LAMA1: variants seen among roughly 807,000 people sequenced by gnomAD.
LAMA1 encodes laminin subunit alpha 1, also known as laminin subunit alpha-1.
In LAMA1, 219 loss-of-function variants were observed where a neutral mutation model predicts 348.7. The ratio of observed to expected loss-of-function variants is 0.63; its 90% CI spans 0.56 to 0.70. The LOEUF is 0.70. LAMA1 is among the 30% of genes least tolerant of loss of function. LAMA1 has a pLI of 0.00. For synonymous variants in LAMA1, 1,487 were observed against 1,491.0 expected, an observed-to-expected ratio of 1.00 and a Z score of 0.06; for missense variants, 3,744 against 3,888.0, an observed-to-expected ratio of 0.96 and a Z score of 0.99.
chr18:7,078,410 C>T (rs900143850), intron 3 of LAMA1, among the ~76,000 whole-genome samples: 2 of 151,826 alleles, frequency 1.3e-5, no homozygotes, highest in African/African-American at 2.4e-5. Flanking sequence ...TCGTGATCCA[C>T]CCGCCTTGGC....
At chr18:6,975,382 A>T (rs2057677343) in intron 45 of LAMA1, among the ~76,000 whole-genome samples, 2 of 152,190 alleles carry the variant, frequency 1.3e-5, no homozygotes, top group South Asian at 4.1e-4. Context: ...TCTCCGAGGT[A>T]AGAAATGGAT....
chr18:6,969,723 G>A (rs2057649627), intron 48 of LAMA1, among the ~76,000 whole-genome samples: 1 of 152,164 alleles, frequency 6.6e-6, no homozygotes, highest in Non-Finnish European at 1.5e-5. Context: ...CCAGTCTCGA[G>A]TTGGCAGGAG....
At chr18:7,055,234 C>T (rs537887936) in intron 3 of LAMA1, among the ~76,000 whole-genome samples, 2 of 151,374 alleles carry the variant, frequency 1.3e-5, no homozygotes, top group South Asian at 2.1e-4. Flanking sequence ...GCAGATCACT[C>T]GAGGTCAGGA....
At chr18:7,011,557 T>C (rs2057860886) in intron 24 of LAMA1, 78 bp from the exon 25 acceptor site, 3 of 1,332,406 alleles carry the variant, frequency 2.3e-6, no homozygotes, top group Non-Finnish European at 3.2e-6. Flanking sequence ...GATTCCATCA[T>C]TGTTTCACAG....
Position 7,108,640 on chromosome 18 carries a change from CAAAAAAAAAAAAAA to C in LAMA1, c.61+9006_61+9019del, listed in dbSNP as rs58802341. Among the ~76,000 whole-genome samples, 10 of 40,238 alleles carry C rather than the reference CAAAAAAAAAAAAAA, an allele frequency of 2.5e-4. 1 individual carries two copies. In the South Asian group the frequency reaches 8.4e-3, roughly 34 times the overall value. The allele number at this position is 40,238 out of a possible 152,430, so 26.4% of individuals were successfully genotyped here. A position where few individuals can be genotyped will look rare whatever the true frequency, so the allele number is the denominator to read the frequency against. On this transcript the variant is annotated intron_variant, in intron 1 of 62. Transcript: ENST00000389658. Reference sequence around the variant, plus strand: ...CACTGCACTGAGACAGACTCTGTCTCAAAAAAAAAAAAAAAAAAAAAAAAAAAGCTAACTCCCTT... The same window carrying C: ...CACTGCACTGAGACAGACTCTGTCTCAAAAAAAAAAAAAGCTAACTCCCTT...
At chr18:6,949,338 C>A in intron 58 of LAMA1, 79 bp from the exon 59 acceptor site, 1 of 1,319,990 alleles carries the variant, frequency 7.6e-7, no homozygotes, top group Non-Finnish European at 1.1e-6. Flanking sequence ...TTAACAGATG[C>A]AACATCTGTT....
intron 42 of LAMA1, among the ~76,000 whole-genome samples, chr18:6,978,648 C>T (rs1325413528): frequency 2.0e-5 from 3 of 152,142 alleles, no homozygotes; most frequent in Non-Finnish European, 4.4e-5. Context: ...TTTGTTAATA[C>T]TTCTCTGGAA....
At chr18:7,068,505 T>G (rs1202035162) in intron 3 of LAMA1, among the ~76,000 whole-genome samples, 1 of 152,242 alleles carries the variant, frequency 6.6e-6, no homozygotes, top group Non-Finnish European at 1.5e-5. Flanking sequence ...TATGATGCAA[T>G]GGAGCAAAAG....
At chr18:6,978,812 T>A (rs1379721527) in intron 42 of LAMA1, among the ~76,000 whole-genome samples, 2 of 152,166 alleles carry the variant, frequency 1.3e-5, no homozygotes, top group African/African-American at 4.8e-5. Context: ...TCCTTTCATG[T>A]CTGGATAATA....
chr18:7,106,605 G>A lies in LAMA1; in HGVS notation c.61+11055C>T, dbSNP rs940820687. Among the ~76,000 whole-genome samples, 17 of 152,104 alleles carry A rather than the reference G, an allele frequency of 1.1e-4. No individual in the cohort carries two copies. The East Asian group carries it at 2.3e-3, about 21-fold the overall frequency. ...GAGCTCTTGACCTCGTGATCCACCC[G>A]CCTTGGCCCCTCCCAAAGTGCTGGG... On this transcript the variant is annotated intron_variant, in intron 1 of 62. Coordinates refer to ENST00000389658, the MANE Select transcript of LAMA1 (RefSeq NM_005559.4).
chr18:6,974,935 A>G lies in LAMA1; in HGVS notation c.6591T>C (p.Asp2197=). The G allele has an allele frequency of 6.2e-7, 1 of 1,614,122 alleles. No homozygotes were observed. The highest frequency in any genetic ancestry group is 8.5e-7 in the Non-Finnish European group (1 of 1,180,036). The change falls in exon 46 of 63, where the codon GAT becomes GAC. Residue 2197 remains aspartate, a synonymous_variant. Transcript: ENST00000389658. ...TRLEFPDFPI[D]DNRWHSIHVA... is the part of the protein sequence containing the mutation. ...CATGGATACTGTGCCATCTGTTGTC[A>G]TCAATGGGAAAGTCTGGAAACTCCA...
chr18:6,956,647 G>A lies in LAMA1; in HGVS notation c.8083C>T (p.Arg2695Trp), dbSNP rs766071649. The change falls in exon 56 of 63, where the codon CGG becomes TGG. Residue 2695 changes from arginine to tryptophan, a missense_variant. This residue lies in a region of LAMA1 where 1,983 missense variants were observed against 1,934.3 expected (regional missense o/e 1.03). Coordinates refer to ENST00000389658, the MANE Select transcript of LAMA1 (RefSeq NM_005559.4). ...GAAGCCGCTCCTACTGGAAAAGCCC[G>A]GGGCTCTGGCAAGAGCTTGCTGTCC... is the stretch of plus-strand genomic sequence containing the variant. ...AEDSKLLPEPRAFPEQCVVDA... is the reference protein window; with the variant it reads ...AEDSKLLPEPWAFPEQCVVDA... The A allele has an allele frequency of 2.0e-5, 33 of 1,614,116 alleles. No individual in the cohort carries two copies. The highest frequency in any genetic ancestry group is 1.1e-4 in the South Asian group (10 of 91,086).
Position 6,978,302 on chromosome 18 carries a change from G to A in LAMA1, c.6084C>T (p.Asp2028=), listed in dbSNP as rs773172566. 28 of 1,614,098 alleles carry A rather than the reference G, an allele frequency of 1.7e-5. No homozygotes were observed. The highest frequency in any genetic ancestry group is 1.6e-4 in the Middle Eastern group (1 of 6,084). ...GCAGCTCCTGGCTCAGCCCCGCCAC[G>A]TCCCTCAGCGTGCTCACCGCGCTCT... ...ASQSAVSTLR[D]VAGLSQELLN... The change falls in exon 43 of 63, where the codon GAC becomes GAT. Residue 2028 remains aspartate, a synonymous_variant. Coordinates refer to ENST00000389658, the MANE Select transcript of LAMA1 (RefSeq NM_005559.4).
chr18:6,960,488 G>A (rs1307917981), intron 53 of LAMA1: 1 of 151,798 alleles, frequency 6.6e-6, no homozygotes, highest in African/African-American at 2.4e-5. Context: ...AAGCAAATTG[G>A]TGGTTGCCAG....
At chr18:7,090,685 C>CAG (rs568521876) in intron 1 of LAMA1, among the ~76,000 whole-genome samples, 111 of 129,848 alleles carry the variant, frequency 8.5e-4, no homozygotes, top group African/African-American at 2.9e-3. Context: ...AGAAAGAGAA[C>CAG]AGAGAGAGAG....
Position 6,941,878 on chromosome 18 carries a change from G to T in LAMA1, c.*201C>A. 6.5e-6 allele frequency: 4 copies of T among 616,094 alleles called. No homozygotes were observed. Among genetic ancestry groups the T allele is most frequent in the Non-Finnish European group, 1.1e-5 (4 of 350,998 alleles). The allele number at this position is 616,094 out of a possible 1,614,324, so 38.2% of individuals were successfully genotyped here. On this transcript the variant is annotated 3_prime_UTR_variant, in exon 63 of 63. Coordinates refer to ENST00000389658, the MANE Select transcript of LAMA1 (RefSeq NM_005559.4). ...AAATACGTTTAAAAAGAGAGCCAGG[G>T]AATTCAATTTACATTTTAGACCATT... is the stretch of plus-strand genomic sequence containing the variant.
chr18:7,095,792 AGGCGCTGT>A (rs1422160909), intron 1 of LAMA1, among the ~76,000 whole-genome samples: 1 of 152,242 alleles, frequency 6.6e-6, no homozygotes, highest in Non-Finnish European at 1.5e-5. Context: ...TCAGTAGGCC[AGGCGCTGT>A]GGCTCACGCC....
chr18:7,007,912 CTTTTATTTATTT>C (rs1186034550), intron 28 of LAMA1, among the ~76,000 whole-genome samples: 1 of 107,104 alleles, frequency 9.3e-6, no homozygotes, highest in Non-Finnish European at 1.9e-5. Flanking sequence ...TATTACTCCA[CTTTTATTTATTT>C]ATTTATTTAT....
At chr18:6,971,836 T>TA (rs753403498) in intron 48 of LAMA1, 21 bp downstream of exon 48, 2 of 1,614,056 alleles carry the variant, frequency 1.2e-6, no homozygotes, top group African/African-American at 2.7e-5. Flanking sequence ...TACTATGTGC[T>TA]AAACCGTGAC....
Sources: allele counts gnomAD v4.1 joint callset (sites outside exome capture counted in the v4.1 genomes callset), GRCh38; gene constraint gnomAD v4.1.1; regional missense constraint gnomAD v4.1.1; transcripts MANE v1.5; gene names NCBI Gene and HGNC (gene_info 2026-07-23, HGNC 2026-07-21).